Variants in HEG1 observed in about 807,000 individuals in gnomAD.
The protein encoded by HEG1 is heart development protein with EGF like domains 1.
A neutral mutation model predicts 125.6 loss-of-function variants in HEG1; 56 were observed. That is an observed-to-expected ratio of 0.45 (90% CI 0.36 to 0.56). HEG1 has a LOEUF of 0.56. Ranked by LOEUF, HEG1 falls within the 20% of genes least tolerant of loss-of-function variation. The pLI is 0.00. For missense variants in HEG1, 1,523 were observed against 1,670.0 expected (o/e 0.91, Z 1.53); for synonymous variants, 644 against 668.5 (o/e 0.96, Z 0.57).
rs1193668008 is a variant in HEG1, at chr3:125,021,110, G to A, written c.934C>T (p.Leu312Phe). The A allele has an allele frequency of 6.3e-7, 1 of 1,576,268 alleles. No homozygotes were observed. The highest frequency in any genetic ancestry group is 1.3e-5 in the African/African-American group (1 of 74,234). ...CTCTGGAGGCCAGTGGAGTTGTTAA[G>A]CTTCTCTGTACTTTCAGAAGCTACA... The part of the protein sequence containing the change: ...LSSSSESTEK[L>F]NNSTGLQSSS... The change falls in exon 4 of 17, where the codon CTT becomes TTT. Residue 312 changes from leucine (L) to phenylalanine (F), a missense_variant. Physicochemically the swap from Leu to Phe is conservative, Grantham distance 22. Transcript: ENST00000311127.
At chr3:125,004,718 A>C (rs1937048121) in intron 9 of HEG1, among the ~76,000 whole-genome samples, 1 of 113,202 alleles carries the variant, frequency 8.8e-6, no homozygotes, top group South Asian at 2.5e-4. Context: ...TTTTTCTTTA[A>C]AAAAAAAAAA....
chr3:125,004,921 A>T (rs1330112196), intron 9 of HEG1, among the ~76,000 whole-genome samples: 2 of 152,144 alleles, frequency 1.3e-5, no homozygotes, highest in African/African-American at 4.8e-5. Flanking sequence ...TTAACAGCAG[A>T]TGGGACCGTA....
At chr3:125,005,790 C>T (rs987828591) in intron 8 of HEG1, among the ~76,000 whole-genome samples, 4 of 152,188 alleles carry the variant, frequency 2.6e-5, no homozygotes, top group Non-Finnish European at 5.9e-5. Context: ...AAATGCTCCT[C>T]AGGCCTCATC....
Position 125,027,477 on chromosome 3 carries a change from C to A in HEG1, c.641G>T (p.Ser214Ile), listed in dbSNP as rs753943251. Residue 214 changes from serine (S) to isoleucine (I), a missense_variant, in exon 3 of 17, where the codon AGT (serine) becomes ATT (isoleucine). Transcript: ENST00000311127. ...GGCAATTCTTTCATCGAACTCTGAA[C>A]TGCTGGATGGCAGGTGAAGACTTTC... is the stretch of plus-strand genomic sequence containing the variant. ...ASESLHLPSS[S>I]SEFDERIAAF... 2 of 1,611,442 alleles carry A rather than the reference C, an allele frequency of 1.2e-6. No individual in the cohort carries two copies. Among genetic ancestry groups the A allele is most frequent in the Non-Finnish European group, 1.7e-6 (2 of 1,178,738 alleles).
chr3:124,989,437 C>A (rs368104526), intron 14 of HEG1, among the ~76,000 whole-genome samples: 15 of 152,282 alleles, frequency 9.9e-5, no homozygotes, highest in East Asian at 7.7e-4. Flanking sequence ...AGGATGAGAG[C>A]CAAAGCTGTC....
intron 1 of HEG1, among the ~76,000 whole-genome samples, chr3:125,033,958 G>A (rs1383200994): frequency 7.4e-6 from 1 of 135,572 alleles, no homozygotes; most frequent in Non-Finnish European, 1.6e-5. Flanking sequence ...CCCAACCCCC[G>A]GCCCACCCCA....
At chr3:124,989,684 C>T (rs1214534114) in intron 14 of HEG1, among the ~76,000 whole-genome samples, 1 of 152,180 alleles carries the variant, frequency 6.6e-6, no homozygotes, top group African/African-American at 2.4e-5. Context: ...CCCTCTACTT[C>T]CACCTGGAGC....
At chr3:125,001,699 G>C (rs2107696069) in intron 11 of HEG1, among the ~76,000 whole-genome samples, 153 bp downstream of exon 11, 1 of 152,346 alleles carries the variant, frequency 6.6e-6, no homozygotes, top group East Asian at 1.9e-4. Context: ...AAAAGAAGAT[G>C]CATGTGCACA....
intron 6 of HEG1, 104 bp from the exon 7 acceptor site, chr3:125,010,659 T>C: frequency 1.7e-5 from 13 of 787,772 alleles, no homozygotes; most frequent in Non-Finnish European, 2.6e-5. Context: ...TTCTTGCTTA[T>C]TTCTGTTTAC....
intron 8 of HEG1, among the ~76,000 whole-genome samples, chr3:125,007,683 G>A (rs1467738797): frequency 6.6e-6 from 1 of 152,094 alleles, no homozygotes; most frequent in Non-Finnish European, 1.5e-5. Flanking sequence ...ATGGTAATCT[G>A]ATTTTACAGA....
Position 124,967,375 on chromosome 3 carries a change from G to A in HEG1, c.*3277C>T, listed in dbSNP as rs1315992133. The A allele has an allele frequency of 6.6e-6, 1 of 150,926 alleles. No individual in the cohort carries two copies. The highest frequency in any genetic ancestry group is 2.4e-5 in the African/African-American group (1 of 40,910). The allele number at this position is 150,926 out of a possible 1,614,324, so 9.3% of individuals were successfully genotyped here. On this transcript the variant is annotated 3_prime_UTR_variant, in exon 17 of 17. Coordinates refer to ENST00000311127, the MANE Select transcript of HEG1 (RefSeq NM_020733.2). The stretch of plus-strand genomic sequence containing the variant: ...TGTGCTTCTTGCTGAGCACAAGCCA[G>A]CCACTATTTTCTTAATGACAAGTGT...
chr3:124,979,767 A>G (rs879647364), intron 14 of HEG1, among the ~76,000 whole-genome samples: 3 of 152,170 alleles, frequency 2.0e-5, no homozygotes, highest in Admixed American at 6.5e-5. Flanking sequence ...CCCCGTTTCT[A>G]CTAAACAAGG....
intron 16 of HEG1, among the ~76,000 whole-genome samples, chr3:124,972,775 T>C (rs1936468635): frequency 6.6e-6 from 1 of 152,188 alleles, no homozygotes; most frequent in African/African-American, 2.4e-5. Context: ...CTGGGCAGTT[T>C]ACAGGAATAT....
chr3:125,026,915 G>A (rs1003807239), intron 3 of HEG1, among the ~76,000 whole-genome samples: 1 of 152,138 alleles, frequency 6.6e-6, no homozygotes, highest in African/African-American at 2.4e-5. Flanking sequence ...CAGGAGAATC[G>A]CTTGAACCTG....
rs1463264413 is a variant in HEG1 at position 125,009,714 on chromosome 3, A to G, written c.3184T>C (p.Cys1062Arg). The change falls in exon 8 of 17, where the codon TGC (cysteine) becomes CGC (arginine). Residue 1062 changes from cysteine (C) to arginine (R), a missense_variant. Cys to Arg is a radical substitution (Grantham distance 180). Coordinates refer to ENST00000311127, the MANE Select transcript of HEG1 (RefSeq NM_020733.2). ...PVGYQLEKGI[C>R]NLVRTFVTEF... ...AGACTAAGTCTCTTACCCAAATTGC[A>G]TATCCCTTTTTCCAACTGGTACCCA... 6.2e-7 allele frequency: 1 copy of G among 1,612,966 alleles called. No homozygotes were observed. The highest frequency in any genetic ancestry group is 8.5e-7 in the Non-Finnish European group (1 of 1,179,228).
chr3:124,991,232 C>A (rs891210666), intron 12 of HEG1, among the ~76,000 whole-genome samples: 6 of 152,056 alleles, frequency 3.9e-5, no homozygotes, highest in African/African-American at 1.4e-4. Context: ...TCACTGCAAC[C>A]TCCACCTCCT....
chr3:124,978,356 C>A (rs1159728705), intron 14 of HEG1, among the ~76,000 whole-genome samples: 1 of 152,102 alleles, frequency 6.6e-6, no homozygotes, highest in Admixed American at 6.5e-5. Flanking sequence ...ACCGTGTTAG[C>A]CAGGATGGTC....
intron 12 of HEG1, among the ~76,000 whole-genome samples, chr3:124,995,390 T>C (rs755736237): frequency 6.6e-6 from 1 of 152,214 alleles, no homozygotes; most frequent in African/African-American, 2.4e-5. Flanking sequence ...TTTGATTTTA[T>C]GTGTAGCTTT....
intron 7 of HEG1, 62 bp from the exon 8 acceptor site, chr3:125,009,886 G>C: frequency 2.6e-6 from 4 of 1,528,948 alleles, no homozygotes; most frequent in Non-Finnish European, 3.5e-6. Context: ...CCATAACCCA[G>C]TGTAGTAAGT....
Sources: gnomAD v4.1 joint callset for allele counts (sites outside exome capture counted in the v4.1 genomes callset) on GRCh38, gnomAD v4.1.1 for gene constraint, MANE v1.5 for transcripts, NCBI Gene and HGNC (gene_info 2026-07-23, HGNC 2026-07-21) for gene names.